AKR1C3: variants seen among roughly 807,000 people sequenced by gnomAD.
AKR1C3 encodes the protein 3-alpha hydroxysteroid dehydrogenase, type II.
Under a neutral mutation model 43.6 loss-of-function variants are expected in AKR1C3, and 48 were observed. The ratio of observed to expected loss-of-function variants is 1.10; its 90% CI spans 0.87 to 1.40. The LOEUF (loss-of-function observed/expected upper bound fraction) is 1.40. Among genes scored for constraint, AKR1C3 ranks in the 40% most tolerant of loss-of-function variants. The probability of loss-of-function intolerance (pLI) is 0.00; values close to 1 mark genes in which losing one functional copy is unlikely to be tolerated. For synonymous variants in AKR1C3, 162 were observed against 139.6 expected (o/e 1.16, Z -1.13); for missense variants, 482 against 391.2 (o/e 1.23, Z -1.96).
intron 1 of AKR1C3, among the ~76,000 whole-genome samples, chr10:5,082,553 T>C (rs1239594222): frequency 6.6e-5 from 10 of 152,276 alleles, no homozygotes; most frequent in African/African-American, 2.4e-4. Flanking sequence ...ATTTTTTTTT[T>C]GCTTTTAAGT....
rs1325577508 is a variant in AKR1C3 at position 5,099,377 on chromosome 10, A to C, written c.498A>C (p.Ser166=). The C allele has an allele frequency of 2.5e-6, 4 of 1,614,056 alleles. No individual in the cohort carries two copies. In the African/African-American group the frequency reaches 4.0e-5, roughly 16 times the overall value. Residue 166 remains serine, a synonymous_variant, in exon 5 of 9, where the codon TCA becomes TCC. Coordinates refer to ENST00000380554, the MANE Select transcript of AKR1C3 (RefSeq NM_003739.6). ...GATTGGCCAAGTCCATTGGGGTGTC[A>C]AACTTCAACCGCAGGCAGCTGGAGA... ...DAGLAKSIGV[S]NFNRRQLEMI... is the part of the protein sequence containing the mutation.
intron 5 of AKR1C3, among the ~76,000 whole-genome samples, chr10:5,100,861 AC>A (rs1455951594): frequency 1.3e-3 from 196 of 152,330 alleles, no homozygotes; most frequent in African/African-American, 4.5e-3. Context: ...AATTGTTAAC[AC>A]TTTGCCACAT....
At chr10:5,063,491 G>A (rs1838423279) in intron 1 of AKR1C3, among the ~76,000 whole-genome samples, 1 of 152,038 alleles carries the variant, frequency 6.6e-6, no homozygotes, top group African/African-American at 2.4e-5. Flanking sequence ...TAGAGAGTGG[G>A]AAACATTGAA....
At chr10:5,057,972 G>A (rs1396066803) in intron 1 of AKR1C3, among the ~76,000 whole-genome samples, 2 of 152,146 alleles carry the variant, frequency 1.3e-5, no homozygotes, top group Non-Finnish European at 2.9e-5. Context: ...AACTTCCCCA[G>A]GTCTGCCTTG....
intron 1 of AKR1C3, among the ~76,000 whole-genome samples, chr10:5,082,439 T>C (rs72772199): frequency 0.072 from 10,914 of 152,170 alleles, 458 homozygotes; most frequent in African/African-American, 0.09. Flanking sequence ...AGATGTCCCT[T>C]ATTATTTTGA....
rs192738684 is a variant in AKR1C3, at chr10:5,049,736, C to A, written c.84+841C>A. ...TCACTTTTCTCTCTATCAGTGTGTT[C>A]TGTGCAACATCACTGGGAGAGGACT... On this transcript the variant is annotated intron_variant, in intron 1 of 8. Transcript: ENST00000439082. Among the ~76,000 whole-genome samples the A allele has an allele frequency of 5.1e-3, 775 of 152,358 alleles. 6 individuals are homozygous for A. The highest frequency in any genetic ancestry group is 0.018 in the African/African-American group (728 of 41,582).
At chr10:5,104,907 T>A (rs1839460459) in intron 7 of AKR1C3, among the ~76,000 whole-genome samples, 1 of 152,186 alleles carries the variant, frequency 6.6e-6, no homozygotes, top group Admixed American at 6.5e-5. Context: ...GAACACCTTT[T>A]ACCTAGACTA....
At chr10:5,092,935 T>A (rs1158596110), upstream of AKR1C3, among the ~76,000 whole-genome samples, 5 of 152,110 alleles carry the variant, frequency 3.3e-5, no homozygotes, top group Non-Finnish European at 5.9e-5. Flanking sequence ...TTGTTCTGTG[T>A]CATGACGATT....
At chr10:5,066,802 G>T (rs1838513949) in intron 1 of AKR1C3, among the ~76,000 whole-genome samples, 1 of 152,152 alleles carries the variant, frequency 6.6e-6, no homozygotes, top group Non-Finnish European at 1.5e-5. Flanking sequence ...ATACTTTTCT[G>T]TTCATCCAAC....
At chr10:5,082,126 C>T (rs1838850785) in intron 1 of AKR1C3, among the ~76,000 whole-genome samples, 1 of 152,132 alleles carries the variant, frequency 6.6e-6, no homozygotes, top group African/African-American at 2.4e-5. Flanking sequence ...AGCTTCTGCT[C>T]CTTGGTCCAC....
At chr10:5,052,433 A>G (rs1429030925) in intron 1 of AKR1C3, among the ~76,000 whole-genome samples, 2 of 152,284 alleles carry the variant, frequency 1.3e-5, no homozygotes, top group East Asian at 1.9e-4. Context: ...ATCTGGCCCC[A>G]CCCACATCCT....
chr10:5,095,518 G>C (rs536718860), intron 1 of AKR1C3, among the ~76,000 whole-genome samples: 1 of 151,440 alleles, frequency 6.6e-6, no homozygotes, highest in South Asian at 2.1e-4. Flanking sequence ...AGGAGATGGC[G>C]GGGAGACCGT....
chr10:5,080,692 G>C (rs1838817627), intron 1 of AKR1C3: 1 of 152,270 alleles, frequency 6.6e-6, no homozygotes. Flanking sequence ...TAGTGTTTAG[G>C]AAGGATGGAA....
intron 5 of AKR1C3, among the ~76,000 whole-genome samples, chr10:5,101,353 T>A (rs1472614862): frequency 1.3e-5 from 2 of 152,206 alleles, no homozygotes; most frequent in African/African-American, 4.8e-5. Context: ...TTGGAGTTTT[T>A]AGATAATCAT....
intron 1 of AKR1C3, among the ~76,000 whole-genome samples, chr10:5,070,421 G>C (rs1554781223): frequency 6.6e-6 from 1 of 152,244 alleles, no homozygotes; most frequent in African/African-American, 2.4e-5. Flanking sequence ...AAGTGGGCCT[G>C]AGCGTAGTGG....
chr10:5,092,672 CATTTTTCCGT>C (rs1839120713), upstream of AKR1C3, among the ~76,000 whole-genome samples: 1 of 151,958 alleles, frequency 6.6e-6, no homozygotes, highest in Non-Finnish European at 1.5e-5. Context: ...TTGATACACT[CATTTTTCCGT>C]ATATGCTTTT....
chr10:5,099,028 A>C, intron 4 of AKR1C3, 149 bp downstream of exon 4: 1 of 849,624 alleles, frequency 1.2e-6, no homozygotes, highest in Non-Finnish European at 1.8e-6. Context: ...GAAGGGAAAA[A>C]CACAAAAGGA....
chr10:5,098,966 C>T (rs1554785576), intron 4 of AKR1C3, 87 bp downstream of exon 4: 12 of 1,093,654 alleles, frequency 1.1e-5, no homozygotes, highest in Admixed American at 2.4e-5. Context: ...ATGGAATATG[C>T]ACCATTAGAT....
chr10:5,106,195 T>C (rs4512728), intron 8 of AKR1C3, among the ~76,000 whole-genome samples: 30,408 of 152,146 alleles, frequency 0.2, 3,913 homozygotes, highest in East Asian at 0.63. Context: ...TCTCCTTGCA[T>C]GTTTGTTCAT....
Sources: allele counts gnomAD v4.1 joint callset (sites outside exome capture counted in the v4.1 genomes callset), GRCh38; gene constraint gnomAD v4.1.1; transcripts MANE v1.5; gene names NCBI Gene and HGNC (gene_info 2026-07-23, HGNC 2026-07-21).